Variants in EP400 observed in about 807,000 individuals in gnomAD.
EP400 encodes the protein E1A binding protein p400.
EP400 carries 105 observed loss-of-function variants against 354.1 expected under a neutral mutation model. The ratio of observed to expected loss-of-function variants is 0.30; its 90% CI spans 0.25 to 0.35. The LOEUF (loss-of-function observed/expected upper bound fraction) is 0.35. Among genes scored for constraint, EP400 ranks in the 10% least tolerant of loss-of-function variants. The pLI is 1.00. For synonymous variants in EP400, 1,646 were observed against 1,716.9 expected (o/e 0.96, Z 1.02); for missense variants, 3,280 against 4,121.0 (o/e 0.80, Z 5.59).
intron 5 of EP400, among the ~76,000 whole-genome samples, chr12:131,985,379 G>A (rs1815814750): frequency 6.6e-6 from 1 of 152,260 alleles, no homozygotes; most frequent in African/African-American, 2.4e-5. Flanking sequence ...AACGCCTGTG[G>A]CCAGCCGGGA....
At chr12:131,974,286 T>A (rs865893822) in intron 2 of EP400, among the ~76,000 whole-genome samples, 55 of 152,242 alleles carry the variant, frequency 3.6e-4, no homozygotes, top group African/African-American at 1.3e-3. Flanking sequence ...GCCAGTTTTT[T>A]AATTTTTTTG....
chr12:131,988,420 G>A (rs1186216433), intron 7 of EP400, among the ~76,000 whole-genome samples: 1 of 152,200 alleles, frequency 6.6e-6, no homozygotes, highest in Non-Finnish European at 1.5e-5. Flanking sequence ...CAGGCTGGTG[G>A]CTGGGGCTGT....
In EP400 at chr12:132,036,790, A is replaced by G. The variant is rs75446377; in HGVS notation, c.5952-892A>G. ...ATCAAGAAAGAGTAGATTTTCATTTAAAGGCCAGGAAAGTCTTCCCAGGTG... is the reference window on the plus strand; with the variant it reads ...ATCAAGAAAGAGTAGATTTTCATTTGAAGGCCAGGAAAGTCTTCCCAGGTG... On this transcript the variant is annotated intron_variant, in intron 30 of 52. Coordinates refer to ENST00000389561, the MANE Select transcript of EP400 (RefSeq NM_015409.5). Among the ~76,000 whole-genome samples, 1,081 of 152,346 alleles carry G rather than the reference A, an allele frequency of 7.1e-3. 35 individuals carry two copies. The South Asian group carries it at 0.093, about 13-fold the overall frequency.
chr12:131,965,985 G>A (rs1892062039), intron 2 of EP400, among the ~76,000 whole-genome samples: 1 of 151,428 alleles, frequency 6.6e-6, no homozygotes, highest in South Asian at 2.1e-4. Flanking sequence ...ATGCCTAGGA[G>A]TCAAAGAGTC....
At chr12:131,967,193 C>G (rs1892129393) in intron 2 of EP400, among the ~76,000 whole-genome samples, 1 of 151,280 alleles carries the variant, frequency 6.6e-6, no homozygotes, top group African/African-American at 2.4e-5. Context: ...CCAGCCTGGC[C>G]AACGTAGTGA....
chr12:132,024,029 A>AT, intron 24 of EP400, 88 bp downstream of exon 24: 1 of 1,355,798 alleles, frequency 7.4e-7, no homozygotes, highest in South Asian at 1.7e-5. Context: ...TGCCTTGTGC[A>AT]TTTAAGTGTC....
rs752966901 is a variant in EP400 at position 132,027,386 on chromosome 12, A to C, written c.5015-51A>C. 3.3e-5 allele frequency: 52 copies of C among 1,590,380 alleles called. No homozygotes were observed. The highest frequency in any genetic ancestry group is 4.5e-5 in the Non-Finnish European group (52 of 1,159,072). On this transcript the variant is annotated intron_variant, in intron 25 of 52. Transcript: ENST00000389561. The surrounding 1 kb of genome is among the most constrained non-coding windows in gnomAD (Gnocchi z 4.9). ...CATGGAGCATGCTGGTGTCAGATGA[A>C]ATCCTGTGAACTTGGCGTTCCTTTT...
At chr12:132,036,053 C>A (rs1405471060) in intron 30 of EP400, among the ~76,000 whole-genome samples, 2 of 151,048 alleles carry the variant, frequency 1.3e-5, no homozygotes, top group South Asian at 2.1e-4. Context: ...CCCAGGTTCA[C>A]ACGGAACGTC....
chr12:132,049,314 C>G (rs1895218122), intron 39 of EP400, among the ~76,000 whole-genome samples: 1 of 152,258 alleles, frequency 6.6e-6, no homozygotes, highest in Non-Finnish European at 1.5e-5. Context: ...CTTATGCACC[C>G]CTTCTCCCTG....
Position 131,960,823 on chromosome 12 carries a change from C to G in EP400, c.204C>G (p.Thr68=). The G allele has an allele frequency of 1.9e-6, 3 of 1,613,718 alleles. No homozygotes were observed. The highest frequency in any genetic ancestry group is 2.5e-6 in the Non-Finnish European group (3 of 1,179,968). ...IQQLMNRSPA[T]GQNVNITLQS... ...AGCTGATGAATAGGAGCCCTGCAAC[C>G]GGGCAGAACGTGAACATCACCCTGC... The change falls in exon 2 of 53, where the codon ACC becomes ACG. Residue 68 remains threonine, a synonymous_variant. Coordinates refer to ENST00000389561, the MANE Select transcript of EP400 (RefSeq NM_015409.5).
chr12:132,039,395 A>G (rs1284751286), intron 32 of EP400, among the ~76,000 whole-genome samples: 2 of 152,108 alleles, frequency 1.3e-5, no homozygotes, highest in Non-Finnish European at 2.9e-5. Flanking sequence ...TGTGCAGGCC[A>G]CGGAGTGAGA....
At chr12:132,076,215 A>AT (rs1896234169) in intron 51 of EP400, 2 of 453,916 alleles carry the variant, frequency 4.4e-6, no homozygotes, top group Non-Finnish European at 8.3e-6. Context: ...CCTCAGTCTG[A>AT]TTCTTTCATA....
intron 39 of EP400, among the ~76,000 whole-genome samples, chr12:132,046,308 C>A (rs771237970): frequency 6.6e-6 from 1 of 152,178 alleles, no homozygotes; most frequent in Non-Finnish European, 1.5e-5. Flanking sequence ...TGGTTTTGAT[C>A]ATGGCGTACT....
Position 132,025,730 on chromosome 12 carries a change from C to T in EP400, c.4940C>T (p.Ala1647Val), listed in dbSNP as rs149992179. 200 of 1,612,990 alleles carry T rather than the reference C, an allele frequency of 1.2e-4. 2 individuals are homozygous for T. The East Asian group carries it at 1.8e-3, about 15-fold the overall frequency. ...GPVVMQTVSQ[A>V]GAVHGALGSK... is the part of the protein sequence containing the mutation. ...GTGGTGATGCAGACCGTGTCTCAGGCGGGCGCTGTGCACGGCGCCCTGGGA... is the reference window on the plus strand; with the variant it reads ...GTGGTGATGCAGACCGTGTCTCAGGTGGGCGCTGTGCACGGCGCCCTGGGA... The change falls in exon 25 of 53, where the codon GCG becomes GTG. Residue 1647 changes from alanine (A) to valine (V), a missense_variant. Around this residue, in one of 20 missense-constraint regions of EP400, gnomAD observed 459 missense variants for 496.9 expected, o/e 0.92. Transcript: ENST00000389561. This position sits in a 1 kb window ranked among gnomAD's most constrained non-coding sequence, Gnocchi z 4.1.
chr12:131,963,257 A>G (rs1446434492), intron 2 of EP400, among the ~76,000 whole-genome samples: 1 of 152,180 alleles, frequency 6.6e-6, no homozygotes, highest in African/African-American at 2.4e-5. Context: ...TGTTACTTGA[A>G]GTCTGTCTGC....
chr12:132,001,220 CTAT>C (rs1893400100), intron 12 of EP400, among the ~76,000 whole-genome samples: 1 of 152,038 alleles, frequency 6.6e-6, no homozygotes, highest in Non-Finnish European at 1.5e-5. Flanking sequence ...TCTGGCTGCG[CTAT>C]TATTTATTGG....
Position 131,994,168 on chromosome 12 carries a change from G to T in EP400, c.2738-699G>T, listed in dbSNP as rs932973436. On this transcript the variant is annotated intron_variant, in intron 11 of 52. Transcript: ENST00000389561. The surrounding 1 kb of genome is among the most constrained non-coding windows in gnomAD (Gnocchi z 4.6). ...GGGGTCAGGTGCCTAGGCCTTCTTG[G>T]TGGGCAGTGGGGGTCTTGTAGTGAA... Among the ~76,000 whole-genome samples the T allele has an allele frequency of 2.0e-5, 3 of 152,154 alleles. No individual in the cohort carries two copies. Among genetic ancestry groups the T allele is most frequent in the Non-Finnish European group, 4.4e-5 (3 of 68,022 alleles).
chr12:131,967,255 C>A (rs1450573957), intron 2 of EP400, among the ~76,000 whole-genome samples: 4 of 150,952 alleles, frequency 2.6e-5, no homozygotes, highest in Non-Finnish European at 5.9e-5. Context: ...GTAGTGGGCG[C>A]CTGTAATCCC....
Position 132,013,247 on chromosome 12 carries a change from C to A in EP400, c.3611+69C>A. 1 of 1,524,532 alleles carries A rather than the reference C, an allele frequency of 6.6e-7. No homozygotes were observed. The allele number at this position is 1,524,532 out of a possible 1,614,324, so 94.4% of individuals were successfully genotyped here. A position where few individuals can be genotyped will look rare whatever the true frequency, so the allele number is the denominator to read the frequency against. On this transcript the variant is annotated intron_variant, in intron 17 of 52. Transcript: ENST00000389561. The surrounding 1 kb of genome is among the most constrained non-coding windows in gnomAD (Gnocchi z 4.5). ...ATGTAGAAGATTCTCTTGAAGAAAT[C>A]TGCATAATTGCAGACACAAACAATG...
Sources: allele counts gnomAD v4.1 joint callset (sites outside exome capture counted in the v4.1 genomes callset), GRCh38; gene constraint gnomAD v4.1.1; regional missense constraint gnomAD v4.1.1; non-coding constraint Gnocchi (gnomAD v3.1); transcripts MANE v1.5; gene names NCBI Gene and HGNC (gene_info 2026-07-23, HGNC 2026-07-21).